The following PTPRQ variants were observed in gnomAD, a reference collection of about 807,000 sequenced individuals.
PTPRQ encodes protein tyrosine phosphatase receptor type Q, also known as phosphatidylinositol phosphatase PTPRQ.
A neutral mutation model predicts 246.0 loss-of-function variants in PTPRQ; 199 were observed. That is an observed-to-expected ratio of 0.81 (90% CI 0.72 to 0.91). The LOEUF is 0.91. PTPRQ is among the 40% of genes least tolerant of loss of function. PTPRQ has a pLI of 0.00. For synonymous variants in PTPRQ, 869 were observed against 853.2 expected (o/e 1.02, Z -0.32); for missense variants, 2,624 against 2,528.4 (o/e 1.04, Z -0.81).
chr12:80,534,036 T>A lies in PTPRQ; in HGVS notation c.2700T>A (p.Thr900=). Residue 900 remains threonine (T), a synonymous_variant, in exon 18 of 45, where the codon ACT becomes ACA. Coordinates refer to ENST00000644991, the MANE Select transcript of PTPRQ (RefSeq NM_001145026.2). ...TCAGGAATAGATCATCATTAAAAAC[T>A]ATTAATGTCACTGAAACATCATTGG... ...VYVWNRSSLK[T]INVTETSLEL... is the part of the protein sequence containing the mutation. 1 of 1,516,630 alleles carries A rather than the reference T, an allele frequency of 6.6e-7. No homozygotes were observed. Among genetic ancestry groups the A allele is most frequent in the Non-Finnish European group, 8.8e-7 (1 of 1,133,540 alleles). The allele number at this position is 1,516,630 out of a possible 1,614,324, so 93.9% of individuals were successfully genotyped here. A position where few individuals can be genotyped will look rare whatever the true frequency, so the allele number is the denominator to read the frequency against.
chr12:80,519,677 C>T lies in PTPRQ; in HGVS notation c.2678+9234C>T, dbSNP rs764348538. On this transcript the variant is annotated intron_variant, in intron 17 of 44. Transcript: ENST00000644991. ...ATTGAACAAACATGTATGTAACAAA[C>T]GATCCATGTTCACTTTGGGGTTGAG... 7.2e-5 allele frequency among the ~76,000 whole-genome samples: 11 copies of T among 152,252 alleles called. No individual in the cohort carries two copies. The South Asian group carries it at 8.3e-4, about 11-fold the overall frequency.
intron 8 of PTPRQ, among the ~76,000 whole-genome samples, chr12:80,477,363 T>C (rs1433236344): frequency 6.6e-6 from 1 of 152,186 alleles, no homozygotes; most frequent in Non-Finnish European, 1.5e-5. Flanking sequence ...TATGAAACCA[T>C]CAAGATTTCA....
intron 39 of PTPRQ, among the ~76,000 whole-genome samples, chr12:80,661,999 A>G (rs1900648765): frequency 6.6e-6 from 1 of 151,910 alleles, no homozygotes; most frequent in African/African-American, 2.4e-5. Context: ...TAAAGTCAAA[A>G]CCAGTGTTCT....
intron 38 of PTPRQ, among the ~76,000 whole-genome samples, chr12:80,654,845 G>C (rs563010138): frequency 6.6e-6 from 1 of 151,996 alleles, no homozygotes; most frequent in East Asian, 1.9e-4. Context: ...GGGTGACAGA[G>C]CGAGACTCTA....
intron 14 of PTPRQ, among the ~76,000 whole-genome samples, chr12:80,500,102 A>C (rs898498593): frequency 6.6e-6 from 1 of 151,970 alleles, no homozygotes; most frequent in Non-Finnish European, 1.5e-5. Flanking sequence ...AACATTTTAA[A>C]ATTTGTCTGC....
chr12:80,661,243 G>A (rs868820564), intron 39 of PTPRQ, among the ~76,000 whole-genome samples: 17 of 149,156 alleles, frequency 1.1e-4, no homozygotes, highest in Non-Finnish European at 1.9e-4. Flanking sequence ...ATATATGTGT[G>A]TATACATAAA....
rs756420101 is a variant in PTPRQ, at chr12:80,679,156, C to T, written c.*133C>T. 74 of 1,071,176 alleles carry T rather than the reference C, an allele frequency of 6.9e-5. No homozygotes were observed. Among genetic ancestry groups the T allele is most frequent in the Middle Eastern group, 4.2e-4 (2 of 4,784 alleles). 66.4% of individuals were successfully genotyped at this position (1,071,176 alleles called of 1,614,324 possible). On this transcript the variant is annotated 3_prime_UTR_variant, in exon 45 of 45. Transcript: ENST00000644991. Reference sequence around the variant, plus strand: ...GCTTCTCTCACTGTGCCTTTCCAAACGGATTGAACATTTTAAGACTAGTTC... The same window carrying T: ...GCTTCTCTCACTGTGCCTTTCCAAATGGATTGAACATTTTAAGACTAGTTC...
intron 30 of PTPRQ, among the ~76,000 whole-genome samples, chr12:80,618,535 A>C (rs1003582627): frequency 2.6e-5 from 4 of 151,534 alleles, no homozygotes; most frequent in African/African-American, 9.7e-5. Flanking sequence ...TGTTAAGGTT[A>C]AAAGTACATA....
rs992568167 is a variant in PTPRQ, at chr12:80,569,593, AT to A, written c.4286-18524del. ...AAAAGAACAAAACAAAAAAAATTTG[AT>A]TTTTTTTTTTTAATTTAAGTTCTGG... On this transcript the variant is annotated intron_variant, in intron 25 of 44. Transcript: ENST00000644991. 8.7e-4 allele frequency among the ~76,000 whole-genome samples: 128 copies of A among 146,370 alleles called. 2 individuals are homozygous for A. Among genetic ancestry groups the A allele is most frequent in the Admixed American group, 1.1e-3 (16 of 14,678 alleles).
At chr12:80,530,872 C>A (rs2120793286) in intron 17 of PTPRQ, among the ~76,000 whole-genome samples, 1 of 152,094 alleles carries the variant, frequency 6.6e-6, no homozygotes, top group South Asian at 2.1e-4. Flanking sequence ...AAAAAGCATT[C>A]AAACCATTTG....
intron 35 of PTPRQ, among the ~76,000 whole-genome samples, chr12:80,639,513 G>T (rs926473010): frequency 1.3e-5 from 2 of 151,982 alleles, no homozygotes; most frequent in African/African-American, 2.4e-5. Context: ...ATCACGAATA[G>T]AATTAAAATT....
intron 6 of PTPRQ, among the ~76,000 whole-genome samples, chr12:80,461,138 G>A (rs11114453): frequency 0.097 from 14,714 of 152,160 alleles, 1,513 homozygotes; most frequent in African/African-American, 0.25. Context: ...GCCACTGACC[G>A]TGATCCTCAT....
chr12:80,595,472 T>C (rs995885195), intron 26 of PTPRQ, among the ~76,000 whole-genome samples: 2 of 152,110 alleles, frequency 1.3e-5, no homozygotes, highest in African/African-American at 4.8e-5. Flanking sequence ...TTTCAAATGC[T>C]TGCATTGTTA....
chr12:80,471,366 C>T (rs895798270), intron 7 of PTPRQ, among the ~76,000 whole-genome samples: 1 of 149,862 alleles, frequency 6.7e-6, no homozygotes, highest in Non-Finnish European at 1.5e-5. Context: ...AAAGCAAAGT[C>T]GAAGATTTAA....
intron 23 of PTPRQ, among the ~76,000 whole-genome samples, chr12:80,543,634 G>A (rs148531493): frequency 6.6e-6 from 1 of 152,082 alleles, no homozygotes; most frequent in African/African-American, 2.4e-5. Flanking sequence ...AATATTATGA[G>A]TATTACAATT....
chr12:80,553,018 CTTA>C (rs1430062274), intron 25 of PTPRQ, among the ~76,000 whole-genome samples: 6 of 151,890 alleles, frequency 4.0e-5, no homozygotes, highest in Non-Finnish European at 7.4e-5. Context: ...GGAACCATGT[CTTA>C]TTTGTCTTTA....
intron 26 of PTPRQ, among the ~76,000 whole-genome samples, chr12:80,600,268 G>T (rs560756148): frequency 3.3e-5 from 5 of 151,722 alleles, no homozygotes; most frequent in South Asian, 2.1e-4. Flanking sequence ...TCTTACCTCT[G>T]CTTGGGGTCA....
At chr12:80,454,656 G>C in intron 3 of PTPRQ, 1 of 635,126 alleles carries the variant, frequency 1.6e-6, no homozygotes, top group South Asian at 1.8e-5. Flanking sequence ...TGCCTACTTT[G>C]TTGAGGGTTT....
intron 14 of PTPRQ, among the ~76,000 whole-genome samples, chr12:80,501,537 A>G (rs1894798963): frequency 6.6e-6 from 1 of 151,972 alleles, no homozygotes; most frequent in South Asian, 2.1e-4. Context: ...AGAGCTGAAT[A>G]TATAATTTGG....
Sources: allele counts gnomAD v4.1 joint callset (sites outside exome capture counted in the v4.1 genomes callset), GRCh38; gene constraint gnomAD v4.1.1; transcripts MANE v1.5; gene names NCBI Gene and HGNC (gene_info 2026-07-23, HGNC 2026-07-21).